The following PHTF2 variants were observed in gnomAD, a reference collection of about 807,000 sequenced individuals.
The protein encoded by PHTF2 is putative homeodomain transcription factor 2, also known as protein PHTF2.
PHTF2 carries 60 observed loss-of-function variants against 101.2 expected under a neutral mutation model. That is an observed-to-expected ratio of 0.59 (90% CI 0.48 to 0.73). PHTF2 has a LOEUF of 0.73. Among genes scored for constraint, PHTF2 ranks in the 30% least tolerant of loss-of-function variants. PHTF2 has a pLI of 0.00. For missense variants in PHTF2, 747 were observed against 908.7 expected (o/e 0.82, Z 2.29); for synonymous variants, 311 against 307.3 (o/e 1.01, Z -0.13).
chr7:77,848,293 C>T (rs1796467861), intron 2 of PHTF2, among the ~76,000 whole-genome samples: 1 of 152,152 alleles, frequency 6.6e-6, no homozygotes, highest in South Asian at 2.1e-4. Flanking sequence ...TACTGTTCTC[C>T]ATAGTGGCTG....
intron 3 of PHTF2, among the ~76,000 whole-genome samples, chr7:77,872,679 G>C (rs568528547): frequency 2.0e-5 from 3 of 152,264 alleles, no homozygotes; most frequent in South Asian, 2.1e-4. Context: ...CAATTACAGG[G>C]CTCTTCAGAG....
chr7:77,900,535 A>G (rs1801295841), intron 5 of PHTF2, 176 bp from the exon 5 acceptor site: 1 of 565,716 alleles, frequency 1.8e-6, no homozygotes, highest in East Asian at 3.1e-5. Flanking sequence ...TTGAACAATA[A>G]TAAAATTTAT....
intron 3 of PHTF2, among the ~76,000 whole-genome samples, chr7:77,870,616 T>A (rs1004090226): frequency 2.0e-5 from 3 of 152,156 alleles, no homozygotes; most frequent in Admixed American, 2.0e-4. Context: ...CTCAAATGTT[T>A]ATCTCCTTTG....
At position 77,949,847 on chromosome 7, in the gene PHTF2, C is replaced by T. The variant is rs1562978009; in HGVS notation, c.2115+14C>T. ...CTTACTGAACAGGTGAGTGTGCCTA[C>T]TTATTATGCTACAAATTAATGTCTA... is the stretch of plus-strand genomic sequence containing the variant. On this transcript the variant is annotated intron_variant, in intron 17 of 19. Transcript: ENST00000416283. 7.6e-7 allele frequency: 1 copy of T among 1,309,108 alleles called. No individual in the cohort carries two copies. Among genetic ancestry groups the T allele is most frequent in the African/African-American group, 1.5e-5 (1 of 67,762 alleles). The allele number at this position is 1,309,108 out of a possible 1,614,324, so 81.1% of individuals were successfully genotyped here. A position where few individuals can be genotyped will look rare whatever the true frequency, so the allele number is the denominator to read the frequency against.
chr7:77,944,730 A>T (rs545501859), intron 16 of PHTF2, among the ~76,000 whole-genome samples: 3 of 152,358 alleles, frequency 2.0e-5, no homozygotes, highest in Admixed American at 6.5e-5. Flanking sequence ...GATCAGGTGG[A>T]AACTAAGTTT....
At chr7:77,880,035 A>G (rs1216550622) in intron 3 of PHTF2, among the ~76,000 whole-genome samples, 2 of 152,230 alleles carry the variant, frequency 1.3e-5, no homozygotes, top group African/African-American at 4.8e-5. Context: ...GGTTAAGTAT[A>G]ATGAAAGTTA....
At chr7:77,806,303 T>A (rs750105049) in intron 1 of PHTF2, among the ~76,000 whole-genome samples, 4 of 152,244 alleles carry the variant, frequency 2.6e-5, no homozygotes, top group Admixed American at 6.5e-5. Flanking sequence ...TGATTTCTCC[T>A]TGCGATTCTT....
intron 11 of PHTF2, chr7:77,923,121 G>A: frequency 2.0e-6 from 2 of 999,876 alleles, no homozygotes; most frequent in Non-Finnish European, 2.4e-6. Context: ...TTTGATCATA[G>A]CAAAGTTATT....
intron 3 of PHTF2, among the ~76,000 whole-genome samples, chr7:77,866,686 A>G (rs773473583): frequency 7.9e-5 from 12 of 152,202 alleles, no homozygotes; most frequent in Admixed American, 4.6e-4. Context: ...TTTCAAATGA[A>G]TGAATAGCAA....
chr7:77,818,568 C>A (rs888376796), intron 1 of PHTF2, among the ~76,000 whole-genome samples: 1 of 152,128 alleles, frequency 6.6e-6, no homozygotes, highest in Admixed American at 6.5e-5. Context: ...ACTGTAGATA[C>A]ATGGATTGAT....
intron 9 of PHTF2, among the ~76,000 whole-genome samples, chr7:77,912,375 T>C (rs1802473760): frequency 6.6e-6 from 1 of 152,214 alleles, no homozygotes; most frequent in African/African-American, 2.4e-5. Context: ...TTAGAAGTCC[T>C]AAGCTGAGTT....
At chr7:77,813,821 G>A (rs1793632847) in intron 1 of PHTF2, among the ~76,000 whole-genome samples, 2 of 152,184 alleles carry the variant, frequency 1.3e-5, no homozygotes, top group South Asian at 4.2e-4. Flanking sequence ...AATGTTAGAG[G>A]TAGTGGCTGT....
intron 18 of PHTF2, among the ~76,000 whole-genome samples, chr7:77,952,418 A>G (rs561403467): frequency 2.0e-5 from 3 of 152,182 alleles, no homozygotes; most frequent in African/African-American, 4.8e-5. Flanking sequence ...GGTATAGACT[A>G]TGCACCACAT....
intron 2 of PHTF2, among the ~76,000 whole-genome samples, chr7:77,849,304 A>ATATATATATT (rs1682554536): frequency 6.6e-6 from 1 of 150,456 alleles, no homozygotes; most frequent in African/African-American, 2.4e-5. Context: ...ATATATATAT[A>ATATATATATT]TATTTATTTA....
chr7:77,951,704 C>T (rs1806560575), exon 18 of PHTF2: 3 of 1,354,110 alleles, frequency 2.2e-6, no homozygotes, highest in Non-Finnish European at 1.0e-6. Context: ...GGCTACTAAA[C>T]TGCTAAAGGT....
chr7:77,863,558 T>A (rs1383710175), intron 3 of PHTF2, among the ~76,000 whole-genome samples: 1 of 152,162 alleles, frequency 6.6e-6, no homozygotes, highest in African/African-American at 2.4e-5. Flanking sequence ...AGAGATTGAT[T>A]TTTAGGATTA....
At chr7:77,862,337 A>G (rs937548404) in intron 3 of PHTF2, among the ~76,000 whole-genome samples, 14 of 152,166 alleles carry the variant, frequency 9.2e-5, no homozygotes, top group Non-Finnish European at 1.6e-4. Flanking sequence ...TAAGTGTTTC[A>G]TAATAGAATG....
At chr7:77,828,093 AC>A (rs1038074775) in intron 1 of PHTF2, among the ~76,000 whole-genome samples, 26 of 152,364 alleles carry the variant, frequency 1.7e-4, no homozygotes, top group Non-Finnish European at 1.8e-4. Context: ...GATAAAGAGT[AC>A]TTGGAACACT....
intron 2 of PHTF2, among the ~76,000 whole-genome samples, chr7:77,853,504 G>T (rs149992569): frequency 6.6e-6 from 1 of 151,314 alleles, no homozygotes; most frequent in Non-Finnish European, 1.5e-5. Context: ...AGCAATTCTC[G>T]TGCCTCAGCC....
Sources: gnomAD v4.1 joint callset for allele counts (sites outside exome capture counted in the v4.1 genomes callset) on GRCh38, gnomAD v4.1.1 for gene constraint, MANE v1.5 for transcripts, NCBI Gene and HGNC (gene_info 2026-07-23, HGNC 2026-07-21) for gene names.